CALCOCO1: variants seen among roughly 807,000 people sequenced by gnomAD.
CALCOCO1 encodes calcium-binding and coiled-coil domain-containing protein 1.
In CALCOCO1, 44 loss-of-function variants were observed where a neutral mutation model predicts 86.3. The ratio of observed to expected loss-of-function variants is 0.51; its 90% CI spans 0.40 to 0.66. The LOEUF (loss-of-function observed/expected upper bound fraction) is 0.66, where lower values mean the gene tolerates loss of function less well. Ranked by LOEUF, CALCOCO1 falls within the 30% of genes least tolerant of loss-of-function variation. The pLI is 0.00. For missense variants in CALCOCO1, 708 were observed against 851.1 expected (o/e 0.83, Z 2.09); for synonymous variants, 297 against 327.6 (o/e 0.91, Z 1.01).
intron 9 of CALCOCO1, chr12:53,715,557 A>G: frequency 1.3e-6 from 1 of 741,374 alleles, no homozygotes; most frequent in South Asian, 1.9e-5. Flanking sequence ...GGTCTAGGAC[A>G]GAAAATGTTT....
At chr12:53,714,318 CAAG>C (rs1945666430) in intron 11 of CALCOCO1, 77 bp from the exon 12 acceptor site, 2 of 1,103,220 alleles carry the variant, frequency 1.8e-6, no homozygotes, top group Non-Finnish European at 2.7e-6. Flanking sequence ...AAGCTGCACC[CAAG>C]AAGAACTCTT....
At chr12:53,717,159 T>C (rs1049264493) in intron 7 of CALCOCO1, among the ~76,000 whole-genome samples, 2 of 152,218 alleles carry the variant, frequency 1.3e-5, no homozygotes, top group Non-Finnish European at 2.9e-5. Flanking sequence ...CTCCTGGGCT[T>C]AAGCAATTGT....
rs564015746 is a variant in CALCOCO1, at chr12:53,711,151, A to C, written c.*793T>G. ...ATATAAATATATTTGTTCAAACTACAAAGGGATGGATATCAGGGGGAAGCT... is the reference window on the plus strand; with the variant it reads ...ATATAAATATATTTGTTCAAACTACCAAGGGATGGATATCAGGGGGAAGCT... On this transcript the variant is annotated 3_prime_UTR_variant, in exon 15 of 15. Coordinates refer to ENST00000550804, the MANE Select transcript of CALCOCO1 (RefSeq NM_020898.3). 2.5e-6 allele frequency: 1 copy of C among 397,410 alleles called. No individual in the cohort carries two copies. Among genetic ancestry groups the C allele is most frequent in the South Asian group, 1.3e-4 (1 of 7,822 alleles). The allele number at this position is 397,410 out of a possible 1,614,324, so 24.6% of individuals were successfully genotyped here.
At chr12:53,712,949 AT>A in intron 14 of CALCOCO1, 150 bp downstream of exon 14, 1 of 1,275,060 alleles carries the variant, frequency 7.8e-7, no homozygotes, top group Non-Finnish European at 1.1e-6. Flanking sequence ...GCAGTGAGTC[AT>A]TTTCCTTGTT....
At chr12:53,714,526 G>A in intron 11 of CALCOCO1, 72 bp downstream of exon 11, 2 of 1,164,288 alleles carry the variant, frequency 1.7e-6, no homozygotes, top group Non-Finnish European at 2.6e-6. Context: ...AGAGATGACA[G>A]GAATTTACAA....
At chr12:53,716,115 G>C in intron 8 of CALCOCO1, 68 bp from the exon 9 acceptor site, 1 of 1,585,444 alleles carries the variant, frequency 6.3e-7, no homozygotes, top group Non-Finnish European at 8.6e-7. Flanking sequence ...GGAGGTAAAC[G>C]CTCCCTCCAC....
In CALCOCO1 at chr12:53,719,822, C is replaced by T; in HGVS notation, c.766G>A (p.Asp256Asn). 2 of 1,611,976 alleles carry T rather than the reference C, an allele frequency of 1.2e-6. No individual in the cohort carries two copies. The highest frequency in any genetic ancestry group is 2.2e-5 in the South Asian group (2 of 91,038). Residue 256 changes from aspartate (D) to asparagine (N), a missense_variant, in exon 7 of 15, where the codon GAC becomes AAC. Physicochemically the swap from Asp to Asn is conservative, Grantham distance 23. Transcript: ENST00000550804. ...TKEVELDRLR[D>N]TVKALTREQE... ...TCCCGAGTCAGGGCCTTCACTGTGT[C>T]TCTAAGCCTGTGATTGGTGGGATGA...
chr12:53,725,679 G>C (rs1435758921), intron 1 of CALCOCO1: 1 of 153,536 alleles, frequency 6.5e-6, no homozygotes. Context: ...CATTGAGAGA[G>C]GTGTCCTTAC....
At position 53,721,526 on chromosome 12, in the gene CALCOCO1, T is replaced by C. The variant is rs767845094; in HGVS notation, c.699A>G (p.Leu233=). The change falls in exon 6 of 15, where the codon CTA becomes CTG. Residue 233 remains leucine (L), a synonymous_variant. Transcript: ENST00000550804. ...QGDHVARILE[L]EDDIQTISEK... is the part of the protein sequence containing the mutation. Reference sequence around the variant, plus strand: ...CACTGATGGTCTGGATGTCATCCTCTAGCTCCAGGATGCGTGCCACATGGT... The same window carrying C: ...CACTGATGGTCTGGATGTCATCCTCCAGCTCCAGGATGCGTGCCACATGGT... 1 of 1,613,778 alleles carries C rather than the reference T, an allele frequency of 6.2e-7. No individual in the cohort carries two copies. Among genetic ancestry groups the C allele is most frequent in the Admixed American group, 1.7e-5 (1 of 59,908 alleles).
chr12:53,725,001 G>C (rs1945985019), intron 2 of CALCOCO1, 86 bp downstream of exon 2: 1 of 1,395,808 alleles, frequency 7.2e-7, no homozygotes, highest in East Asian at 2.3e-5. Context: ...TCAACCTGAG[G>C]TTGAGAATCC....
In CALCOCO1 at chr12:53,710,291, G is replaced by A. The variant is rs186014708; in HGVS notation, c.*1653C>T. On this transcript the variant is annotated 3_prime_UTR_variant, in exon 15 of 15. Coordinates refer to ENST00000550804, the MANE Select transcript of CALCOCO1 (RefSeq NM_020898.3). ...ACGGAGACGTGAGGGAAGAAGGAAC[G>A]ATGTAAGAAGTCATCCAGGTGGGGC... 5.9e-5 allele frequency: 9 copies of A among 152,240 alleles called. No individual in the cohort carries two copies. Among genetic ancestry groups the A allele is most frequent in the Non-Finnish European group, 1.0e-4 (7 of 68,074 alleles). 9.4% of individuals were successfully genotyped at this position (152,240 alleles called of 1,614,324 possible). A position where few individuals can be genotyped will look rare whatever the true frequency, so the allele number is the denominator to read the frequency against.
chr12:53,724,314 G>A lies in CALCOCO1; in HGVS notation c.259+331C>T, dbSNP rs191870671. On this transcript the variant is annotated intron_variant, in intron 3 of 14. Coordinates refer to ENST00000550804, the MANE Select transcript of CALCOCO1 (RefSeq NM_020898.3). ...GCCCAAGGCCAAACAGCTTGTAAGTGTTAGAGGTGAGATTTGAACCCAGGT... is the reference window on the plus strand; with the variant it reads ...GCCCAAGGCCAAACAGCTTGTAAGTATTAGAGGTGAGATTTGAACCCAGGT... 2.9e-5 allele frequency: 11 copies of A among 384,846 alleles called. No individual in the cohort carries two copies. In the East Asian group the frequency reaches 6.5e-4, roughly 23 times the overall value. The allele number at this position is 384,846 out of a possible 1,614,324, so 23.8% of individuals were successfully genotyped here.
Position 53,711,039 on chromosome 12 carries a change from C to G in CALCOCO1, c.*905G>C. ...TCCCCTCTTTCCCTCCTCCCTCCAC[C>G]AGGGTCTAAGAGCTGGAGGTCTGGG... On this transcript the variant is annotated 3_prime_UTR_variant, in exon 15 of 15. Transcript: ENST00000550804. 1 of 375,144 alleles carries G rather than the reference C, an allele frequency of 2.7e-6. No homozygotes were observed. The highest frequency in any genetic ancestry group is 3.8e-5 in the East Asian group (1 of 26,302). 23.2% of individuals were successfully genotyped at this position (375,144 alleles called of 1,614,324 possible).
At position 53,715,227 on chromosome 12, in the gene CALCOCO1, C is replaced by T; in HGVS notation, c.1359G>A (p.Glu453=). Residue 453 remains glutamate, a synonymous_variant, in exon 10 of 15, where the codon GAG becomes GAA. Coordinates refer to ENST00000550804, the MANE Select transcript of CALCOCO1 (RefSeq NM_020898.3). ...ERTQNQVFKT[E]LAREKDSSLV... ...GGCTAGAATCCTTCTCCCGGGCCAGCTCAGTCTTGAACACTTGGTTTTGGG... is the reference window on the plus strand; with the variant it reads ...GGCTAGAATCCTTCTCCCGGGCCAGTTCAGTCTTGAACACTTGGTTTTGGG... The T allele has an allele frequency of 1.2e-6, 2 of 1,614,172 alleles. No homozygotes were observed. Among genetic ancestry groups the T allele is most frequent in the Non-Finnish European group, 1.7e-6 (2 of 1,180,008 alleles).
rs1203908618 is a variant in CALCOCO1, at chr12:53,711,892, G to A, written c.*52C>T. 1 of 1,448,354 alleles carries A rather than the reference G, an allele frequency of 6.9e-7. No homozygotes were observed. 89.7% of individuals were successfully genotyped at this position (1,448,354 alleles called of 1,614,324 possible). ...ATGAAACCTAAGTGTATGCATGTGTGTGAGTGTGTGTGTGCATGAGTGTGT... is the reference window on the plus strand; with the variant it reads ...ATGAAACCTAAGTGTATGCATGTGTATGAGTGTGTGTGTGCATGAGTGTGT... On this transcript the variant is annotated 3_prime_UTR_variant, in exon 15 of 15. Transcript: ENST00000550804.
chr12:53,714,085 G>A (rs757703131), intron 12 of CALCOCO1, 48 bp downstream of exon 12: 9 of 1,472,462 alleles, frequency 6.1e-6, no homozygotes, highest in South Asian at 1.1e-5. Context: ...CCTCAACAGC[G>A]GGAGGTAGAG....
rs1945588458 is a variant in CALCOCO1 at position 53,712,435 on chromosome 12, A to G, written c.1899-314T>C. The G allele has an allele frequency of 2.4e-5, 7 of 294,470 alleles. No homozygotes were observed. The South Asian group carries it at 3.6e-4, about 15-fold the overall frequency. 18.2% of individuals were successfully genotyped at this position (294,470 alleles called of 1,614,324 possible). ...GAAAATGAGTCTGACATCGTCCTTC[A>G]TCTTCCTGCTCCAGCCGAGAAGGAT... On this transcript the variant is annotated intron_variant, in intron 14 of 14. Transcript: ENST00000550804.
At position 53,713,916 on chromosome 12, in the gene CALCOCO1, C is replaced by G; in HGVS notation, c.1592-16G>C. Reference sequence around the variant, plus strand: ...GCCGGGCAGCCTGTAGGAGATGAAGCAGGCAGAGAAGAAAAAAGGATGTGT... The same window carrying G: ...GCCGGGCAGCCTGTAGGAGATGAAGGAGGCAGAGAAGAAAAAAGGATGTGT... On this transcript the variant is annotated splice_polypyrimidine_tract_variant and intron_variant, in intron 12 of 14. Coordinates refer to ENST00000550804, the MANE Select transcript of CALCOCO1 (RefSeq NM_020898.3). 1 of 1,524,260 alleles carries G rather than the reference C, an allele frequency of 6.6e-7. No individual in the cohort carries two copies. The highest frequency in any genetic ancestry group is 8.8e-7 in the Non-Finnish European group (1 of 1,135,954). 94.4% of individuals were successfully genotyped at this position (1,524,260 alleles called of 1,614,324 possible). A position where few individuals can be genotyped will look rare whatever the true frequency, so the allele number is the denominator to read the frequency against.
intron 2 of CALCOCO1, 116 bp from the exon 3 acceptor site, chr12:53,724,863 A>G: frequency 1.1e-6 from 1 of 890,326 alleles, no homozygotes; most frequent in Non-Finnish European, 1.7e-6. Flanking sequence ...GGCAACAATG[A>G]CAAGAGAAAG....
Sources: gnomAD v4.1 joint callset for allele counts (sites outside exome capture counted in the v4.1 genomes callset) on GRCh38, gnomAD v4.1.1 for gene constraint, MANE v1.5 for transcripts, NCBI Gene and HGNC (gene_info 2026-07-23, HGNC 2026-07-21) for gene names.